Variants in SERPINA6 observed in about 807,000 individuals in gnomAD.
SERPINA6 encodes serpin family A member 6, also known as corticosteroid-binding globulin.
A neutral mutation model predicts 26.4 loss-of-function variants in SERPINA6; 19 were observed. That is an observed-to-expected ratio of 0.72 (90% confidence interval 0.50 to 1.06). The LOEUF is 1.06. SERPINA6 is among the 50% of genes least tolerant of loss of function. SERPINA6 has a pLI of 0.00. For synonymous variants in SERPINA6, 196 were observed against 199.4 expected (o/e 0.98, Z 0.14); for missense variants, 473 against 504.0 (o/e 0.94, Z 0.59).
At position 94,314,391 on chromosome 14, in the gene SERPINA6, C is replaced by T; in HGVS notation, c.258G>A (p.Arg86=). ...AACCCAGGCCCTGGAGAAGCTGGGC[C>T]CGTGTGTGGCCACAGGTGCCCAGGG... ...MLSLGTCGHT[R]AQLLQGLGFN... The change falls in exon 2 of 5, where the codon CGG becomes CGA. Residue 86 remains arginine (R), a synonymous_variant. Transcript: ENST00000341584. The T allele has an allele frequency of 6.2e-7, 1 of 1,614,138 alleles. No homozygotes were observed. The highest frequency in any genetic ancestry group is 8.5e-7 in the Non-Finnish European group (1 of 1,180,028).
intron 1 of SERPINA6, among the ~76,000 whole-genome samples, chr14:94,321,968 C>T (rs1435676325): frequency 6.6e-6 from 1 of 152,202 alleles, no homozygotes; most frequent in Non-Finnish European, 1.5e-5. Flanking sequence ...AGGGTGAAAA[C>T]TCCATCCACC....
chr14:94,314,813 G>T (rs1037816071), intron 1 of SERPINA6, 146 bp from the exon 2 acceptor site: 3 of 725,542 alleles, frequency 4.1e-6, no homozygotes, highest in Non-Finnish European at 7.1e-6. Context: ...ATCACAGAGG[G>T]CGCTGGACTT....
At chr14:94,320,959 C>G (rs1485890597) in intron 1 of SERPINA6, among the ~76,000 whole-genome samples, 1 of 152,108 alleles carries the variant, frequency 6.6e-6, no homozygotes, top group East Asian at 1.9e-4. Context: ...CGCGACAATT[C>G]TTTTGTCGCG....
chr14:94,310,958 G>A (rs1895520213), intron 2 of SERPINA6, among the ~76,000 whole-genome samples: 1 of 152,224 alleles, frequency 6.6e-6, no homozygotes, highest in Admixed American at 6.5e-5. Context: ...CCTAAAGGTG[G>A]CCAGAACATC....
intron 1 of SERPINA6, 76 bp from the exon 2 acceptor site, chr14:94,314,743 C>A (rs1263546115): frequency 7.2e-7 from 1 of 1,390,046 alleles, no homozygotes; most frequent in South Asian, 1.2e-5. Flanking sequence ...AGGAGGCAGG[C>A]AAAAGACCCC....
intron 1 of SERPINA6, among the ~76,000 whole-genome samples, chr14:94,320,144 G>A (rs1311691195): frequency 6.6e-6 from 1 of 152,162 alleles, no homozygotes; most frequent in Non-Finnish European, 1.5e-5. Context: ...GCTTACAGGA[G>A]AAGCAGGTCT....
chr14:94,308,096 T>C (rs1222064490), intron 3 of SERPINA6, among the ~76,000 whole-genome samples: 1 of 152,258 alleles, frequency 6.6e-6, no homozygotes, highest in Non-Finnish European at 1.5e-5. Flanking sequence ...GTCCCCTGAC[T>C]TCATGTCGGG....
chr14:94,307,457 AT>A (rs1475077484), intron 3 of SERPINA6, among the ~76,000 whole-genome samples: 1 of 152,216 alleles, frequency 6.6e-6, no homozygotes, highest in Non-Finnish European at 1.5e-5. Flanking sequence ...TAAGTTATGT[AT>A]TATTGATTAA....
At position 94,309,999 on chromosome 14, in the gene SERPINA6, C is replaced by A. The variant is rs1265997694; in HGVS notation, c.621G>T (p.Trp207Cys). 6 of 1,613,940 alleles carry A rather than the reference C, an allele frequency of 3.7e-6. No homozygotes were observed. Among genetic ancestry groups the A allele is most frequent in the Non-Finnish European group, 5.1e-6 (6 of 1,180,008 alleles). Residue 207 changes from tryptophan (W) to cysteine (C), a missense_variant, in exon 3 of 5, where the codon TGG (tryptophan) becomes TGT (cysteine). Transcript: ENST00000341584. The part of the protein sequence containing the change: ...LVNYIFFKGT[W>C]TQPFDLASTR... Reference sequence around the variant, plus strand: ...TGCTTGCCAGGTCAAAGGGCTGTGTCCATGTGCCTAGGAAGAGGAGGAGAC... The same window carrying A: ...TGCTTGCCAGGTCAAAGGGCTGTGTACATGTGCCTAGGAAGAGGAGGAGAC...
intron 4 of SERPINA6, 73 bp from the exon 5 acceptor site, chr14:94,304,676 C>T: frequency 7.8e-7 from 1 of 1,289,804 alleles, no homozygotes; most frequent in South Asian, 1.3e-5. Flanking sequence ...ATTGCTGGGA[C>T]CCTTCACATC....
At position 94,304,477 on chromosome 14, in the gene SERPINA6, T is replaced by G; in HGVS notation, c.1159A>C (p.Ile387Leu). The change falls in exon 5 of 5, where the codon ATC becomes CTC. Residue 387 changes from isoleucine (I) to leucine (L), a missense_variant. By Grantham distance (5) the Ile-to-Leu change is conservative (BLOSUM62 2). Coordinates refer to ENST00000341584, the MANE Select transcript of SERPINA6 (RefSeq NM_001756.4). ...LRFNQPFIIM[I>L]FDHFTWSSLF... ...CTGCTCCAGGTGAAGTGGTCGAAGA[T>G]CATGATGATGAAGGGCTGGTTGAAA... The G allele has an allele frequency of 1.2e-6, 2 of 1,614,150 alleles. No homozygotes were observed. Among genetic ancestry groups the G allele is most frequent in the Non-Finnish European group, 1.7e-6 (2 of 1,180,030 alleles).
intron 3 of SERPINA6, among the ~76,000 whole-genome samples, chr14:94,306,958 C>T (rs1046049528): frequency 2.0e-5 from 3 of 152,178 alleles, no homozygotes; most frequent in African/African-American, 7.2e-5. Flanking sequence ...TCAGTGAACT[C>T]GCACCGGCTC....
At chr14:94,318,669 G>A (rs1042040552) in intron 1 of SERPINA6, among the ~76,000 whole-genome samples, 1 of 151,946 alleles carries the variant, frequency 6.6e-6, no homozygotes, top group Admixed American at 6.6e-5. Context: ...ATTCAAAATA[G>A]ATCAATGACC....
Position 94,320,620 on chromosome 14 carries a change from T to C in SERPINA6, c.-20+2647A>G, listed in dbSNP as rs528216823. Among the ~76,000 whole-genome samples the C allele has an allele frequency of 1.3e-4, 20 of 152,338 alleles. No homozygotes were observed. The South Asian group carries it at 3.7e-3, about 28-fold the overall frequency. On this transcript the variant is annotated intron_variant, in intron 1 of 4. Transcript: ENST00000341584. ...GTTTAATTTGTCTAAAGTTTTCTTT[T>C]AACAGGTGCGCTCCGAGCGTGGGAA...
At chr14:94,307,056 T>C (rs1302780329) in intron 3 of SERPINA6, among the ~76,000 whole-genome samples, 27 of 152,240 alleles carry the variant, frequency 1.8e-4, no homozygotes, top group Non-Finnish European at 5.9e-5. Context: ...GCAACCATCC[T>C]GCGTGAAGTG....
Position 94,309,844 on chromosome 14 carries a change from C to A in SERPINA6, c.776G>T (p.Gly259Val), listed in dbSNP as rs754814260. 7.4e-6 allele frequency: 12 copies of A among 1,614,084 alleles called. No individual in the cohort carries two copies. In the South Asian group the frequency reaches 1.2e-4, roughly 16 times the overall value. ...AAGGATGAAGAAGACAGTCCCATTG[C>A]CCACGTAGTTCATCTGCACCAGCTG... is the stretch of plus-strand genomic sequence containing the variant. ...PCQLVQMNYV[G>V]NGTVFFILPD... The change falls in exon 3 of 5, where the codon GGC (glycine) becomes GTC (valine). Residue 259 changes from glycine to valine, a missense_variant. Transcript: ENST00000341584.
At chr14:94,318,768 T>C (rs1000804773) in intron 1 of SERPINA6, among the ~76,000 whole-genome samples, 2 of 152,154 alleles carry the variant, frequency 1.3e-5, no homozygotes, top group African/African-American at 4.8e-5. Context: ...TTCTTGAATA[T>C]CACACCAAAG....
In SERPINA6 at chr14:94,309,823, A is replaced by T. The variant is rs781312328; in HGVS notation, c.797T>A (p.Ile266Asn). The change falls in exon 3 of 5, where the codon ATC (isoleucine) becomes AAC (asparagine). Residue 266 changes from isoleucine to asparagine, a missense_variant. Transcript: ENST00000341584. ...GTTCATCTTCCCCTTGTCCGGAAGG[A>T]TGAAGAAGACAGTCCCATTGCCCAC... ...NYVGNGTVFF[I>N]LPDKGKMNTV... 6 of 1,614,084 alleles carry T rather than the reference A, an allele frequency of 3.7e-6. No individual in the cohort carries two copies. The highest frequency in any genetic ancestry group is 1.3e-5 in the African/African-American group (1 of 74,926).
At chr14:94,322,218 C>G (rs1895693571) in intron 1 of SERPINA6, among the ~76,000 whole-genome samples, 2 of 152,180 alleles carry the variant, frequency 1.3e-5, no homozygotes, top group Non-Finnish European at 2.9e-5. Flanking sequence ...CTTAAGAGTA[C>G]CCAGCCATGG....
Sources: allele counts gnomAD v4.1 joint callset (sites outside exome capture counted in the v4.1 genomes callset), GRCh38; gene constraint gnomAD v4.1.1; transcripts MANE v1.5; gene names NCBI Gene and HGNC (gene_info 2026-07-23, HGNC 2026-07-21).